Variants in TRPM3 observed in about 807,000 individuals in gnomAD.
TRPM3 encodes the protein long transient receptor potential channel 3.
In TRPM3, 77 loss-of-function variants were observed where a neutral mutation model predicts 181.2. The ratio of observed to expected loss-of-function variants is 0.42; its 90% confidence interval spans 0.35 to 0.51. The LOEUF (loss-of-function observed/expected upper bound fraction) is 0.51. TRPM3 is among the 20% of genes least tolerant of loss of function. The pLI, the probability that TRPM3 is intolerant of heterozygous loss-of-function variation, is 0.01. For missense variants in TRPM3, 1,759 were observed against 2,196.7 expected (o/e 0.80, Z 3.98); for synonymous variants, 745 against 796.4 (o/e 0.94, Z 1.09).
chr9:70,853,416 C>G (rs527975755), intron 3 of TRPM3, among the ~76,000 whole-genome samples: 1 of 152,302 alleles, frequency 6.6e-6, no homozygotes, highest in South Asian at 2.1e-4. Context: ...CTAACCAGCT[C>G]CTCAGGTACC....
intron 1 of TRPM3, among the ~76,000 whole-genome samples, chr9:71,057,101 A>T (rs1383694263): frequency 6.6e-6 from 1 of 152,056 alleles, no homozygotes; most frequent in East Asian, 1.9e-4. Flanking sequence ...CCAGACACCC[A>T]TGCCATCTGC....
At chr9:70,738,588 G>A (rs2073303311) in intron 8 of TRPM3, among the ~76,000 whole-genome samples, 2 of 152,006 alleles carry the variant, frequency 1.3e-5, no homozygotes, top group East Asian at 3.9e-4. Context: ...AGAGAAACAA[G>A]AACAAACCAA....
intron 1 of TRPM3, among the ~76,000 whole-genome samples, chr9:71,047,633 T>C (rs1181922869): frequency 1.3e-5 from 2 of 152,178 alleles, no homozygotes; most frequent in African/African-American, 4.8e-5. Flanking sequence ...TTCTATTATT[T>C]CCCTTGACAT....
intron 1 of TRPM3, among the ~76,000 whole-genome samples, chr9:71,128,228 G>C (rs1020489316): frequency 3.3e-5 from 5 of 152,064 alleles, no homozygotes; most frequent in African/African-American, 7.2e-5. Flanking sequence ...TCCAATAATG[G>C]GGTGTAAAAC....
chr9:70,851,987 C>T (rs577229353), intron 3 of TRPM3, among the ~76,000 whole-genome samples: 106 of 151,642 alleles, frequency 7.0e-4, no homozygotes, highest in Non-Finnish European at 1.2e-3. Flanking sequence ...GGTGCAGTGG[C>T]GCGCACCTGT....
At chr9:70,869,113 G>T (rs1160176941) in intron 1 of TRPM3, 2 of 941,972 alleles carry the variant, frequency 2.1e-6, no homozygotes, top group Non-Finnish European at 2.5e-6. Flanking sequence ...GAAAAAAAAA[G>T]TCACTTGTTC....
At chr9:71,135,034 A>G (rs1236117063) in intron 1 of TRPM3, among the ~76,000 whole-genome samples, 1 of 152,196 alleles carries the variant, frequency 6.6e-6, no homozygotes, top group African/African-American at 2.4e-5. Flanking sequence ...GAACATACCT[A>G]CCTAAATCCC....
chr9:70,677,896 T>C (rs1056907859), intron 9 of TRPM3, among the ~76,000 whole-genome samples: 3 of 151,778 alleles, frequency 2.0e-5, no homozygotes, highest in Non-Finnish European at 4.4e-5. Flanking sequence ...CTAGTGAAGT[T>C]TGAATTTCAG....
At chr9:71,351,358 A>G (rs2132666851) in intron 1 of TRPM3, among the ~76,000 whole-genome samples, 1 of 152,324 alleles carries the variant, frequency 6.6e-6, no homozygotes, top group African/African-American at 2.4e-5. Context: ...CGATTGTTGC[A>G]ATGTTGTCTG....
chr9:71,421,593 C>T (rs774266184), intron 1 of TRPM3, among the ~76,000 whole-genome samples: 9 of 151,864 alleles, frequency 5.9e-5, no homozygotes, highest in Non-Finnish European at 1.2e-4. Context: ...TTCCCATATA[C>T]AGTCATATGT....
chr9:71,184,852 C>G (rs919005148), intron 1 of TRPM3, among the ~76,000 whole-genome samples: 9 of 152,080 alleles, frequency 5.9e-5, no homozygotes. Flanking sequence ...GAAGGTGCAC[C>G]TGAGTCTCAT....
intron 1 of TRPM3, among the ~76,000 whole-genome samples, chr9:70,913,307 C>A (rs2096557361): frequency 4.6e-5 from 7 of 152,176 alleles, no homozygotes; most frequent in Admixed American, 4.6e-4. Context: ...CCCAGAAATG[C>A]TTTACAGCAT....
rs554186034 is a variant in TRPM3 at position 70,912,790 on chromosome 9, A to G, written c.178-48279T>C. Among the ~76,000 whole-genome samples, 8 of 152,278 alleles carry G rather than the reference A, an allele frequency of 5.3e-5. No individual in the cohort carries two copies. The South Asian group carries it at 1.4e-3, about 28-fold the overall frequency. On this transcript the variant is annotated intron_variant, in intron 1 of 25. Coordinates refer to ENST00000677713, the MANE Select transcript of TRPM3 (RefSeq NM_001366145.2). ...GCAGGCACATTTCATGGTATTTTAG[A>G]TTTGCCTCTCTCTTTCTCTCTCTCA...
intron 6 of TRPM3, among the ~76,000 whole-genome samples, chr9:70,821,932 C>T (rs2093206621): frequency 2.0e-5 from 3 of 152,186 alleles, no homozygotes; most frequent in Non-Finnish European, 4.4e-5. Context: ...TTTACAACCA[C>T]AAATACCAAC....
intron 1 of TRPM3, among the ~76,000 whole-genome samples, chr9:70,942,610 T>G (rs1175657786): frequency 6.6e-6 from 1 of 152,204 alleles, no homozygotes; most frequent in Non-Finnish European, 1.5e-5. Context: ...GCTGGTCCTA[T>G]GTAGCATATG....
At chr9:71,265,809 C>T (rs1238514381) in intron 1 of TRPM3, among the ~76,000 whole-genome samples, 1 of 152,210 alleles carries the variant, frequency 6.6e-6, no homozygotes, top group African/African-American at 2.4e-5. Context: ...AGACTACTGT[C>T]ATCACCTCAC....
At chr9:71,217,025 A>T (rs937569407) in intron 1 of TRPM3, among the ~76,000 whole-genome samples, 26 of 132,584 alleles carry the variant, frequency 2.0e-4, no homozygotes, top group African/African-American at 7.3e-4. Context: ...ATCTCGGCTC[A>T]CTGCAAGCTC....
intron 9 of TRPM3, among the ~76,000 whole-genome samples, chr9:70,649,265 T>G (rs912440341): frequency 6.6e-6 from 1 of 151,652 alleles, no homozygotes; most frequent in Non-Finnish European, 1.5e-5. Flanking sequence ...CTCAGCTGAC[T>G]GCAACCTCTG....
chr9:71,019,798 C>T (rs961500724), intron 1 of TRPM3, among the ~76,000 whole-genome samples: 5 of 152,082 alleles, frequency 3.3e-5, no homozygotes, highest in African/African-American at 1.2e-4. Flanking sequence ...GCTTACACAA[C>T]CACATTTCAA....
Sources: gnomAD v4.1 joint callset for allele counts (sites outside exome capture counted in the v4.1 genomes callset) on GRCh38, gnomAD v4.1.1 for gene constraint, MANE v1.5 for transcripts, NCBI Gene and HGNC (gene_info 2026-07-23, HGNC 2026-07-21) for gene names.